The following PLCB1 variants were observed in gnomAD, a reference collection of about 807,000 sequenced individuals.
The protein encoded by PLCB1 is phospholipase C beta 1.
Under a neutral mutation model 161.8 loss-of-function variants are expected in PLCB1, and 46 were observed. The ratio of observed to expected loss-of-function variants is 0.28; its 90% CI spans 0.22 to 0.36. PLCB1 has a LOEUF of 0.36. Among genes scored for constraint, PLCB1 ranks in the 10% least tolerant of loss-of-function variants. The pLI is 1.00. For synonymous variants in PLCB1, 517 were observed against 503.7 expected, an observed-to-expected ratio of 1.03 and a Z score of -0.35; for missense variants, 1,016 against 1,472.5, an observed-to-expected ratio of 0.69 and a Z score of 5.07.
intron 3 of PLCB1, among the ~76,000 whole-genome samples, chr20:8,484,582 G>A (rs570822834): frequency 9.2e-5 from 14 of 151,620 alleles, no homozygotes; most frequent in African/African-American, 2.2e-4. Flanking sequence ...GGCTGTTCTC[G>A]AACTCCTGAC....
At chr20:8,230,064 A>G (rs1159930200) in intron 2 of PLCB1, among the ~76,000 whole-genome samples, 2 of 74,730 alleles carry the variant, frequency 2.7e-5, no homozygotes, top group African/African-American at 3.8e-4. Context: ...AGCAAAAAAA[A>G]AAAAAAAAAA....
At chr20:8,292,960 C>T (rs1344679955) in intron 2 of PLCB1, among the ~76,000 whole-genome samples, 1 of 152,122 alleles carries the variant, frequency 6.6e-6, no homozygotes, top group Admixed American at 6.6e-5. Flanking sequence ...GGTGAATACA[C>T]TATCAGTAGC....
At chr20:8,621,795 C>G (rs969933019) in intron 3 of PLCB1, among the ~76,000 whole-genome samples, 1 of 152,184 alleles carries the variant, frequency 6.6e-6, no homozygotes, top group Non-Finnish European at 1.5e-5. Flanking sequence ...GGATTCAAAT[C>G]TCCCTTTACA....
intron 3 of PLCB1, among the ~76,000 whole-genome samples, chr20:8,463,862 T>C (rs1981697366): frequency 6.6e-6 from 1 of 152,222 alleles, no homozygotes. Flanking sequence ...CAATCAATGC[T>C]TATAGAAATT....
At chr20:8,684,029 A>T (rs7508859) in intron 9 of PLCB1, among the ~76,000 whole-genome samples, 1 of 147,944 alleles carries the variant, frequency 6.8e-6, no homozygotes, top group Non-Finnish European at 1.5e-5. Context: ...GACTGCAGGC[A>T]CCCGCCACCA....
chr20:8,366,790 G>A (rs1273805160), intron 2 of PLCB1, among the ~76,000 whole-genome samples: 1 of 149,482 alleles, frequency 6.7e-6, no homozygotes. Context: ...AATGATTCCG[G>A]TAGGTTCTTT....
At chr20:8,829,476 T>C (rs4374436) in intron 31 of PLCB1, among the ~76,000 whole-genome samples, 76,567 of 152,060 alleles carry the variant, frequency 0.5, 19,813 homozygotes, top group Middle Eastern at 0.6. Context: ...GAGCCCGATC[T>C]TTACACACAT....
intron 4 of PLCB1, among the ~76,000 whole-genome samples, chr20:8,631,757 A>G (rs747526927): frequency 1.3e-5 from 2 of 152,220 alleles, no homozygotes; most frequent in South Asian, 2.1e-4. Flanking sequence ...ATTGGATCCT[A>G]TTCTTAACCA....
At chr20:8,683,469 G>A (rs534110175) in intron 9 of PLCB1, among the ~76,000 whole-genome samples, 1 of 151,932 alleles carries the variant, frequency 6.6e-6, no homozygotes, top group Admixed American at 6.6e-5. Flanking sequence ...GTTGTTTGAA[G>A]CTTTGATTGT....
chr20:8,636,199 T>G (rs1457620870), intron 4 of PLCB1, among the ~76,000 whole-genome samples: 1 of 152,172 alleles, frequency 6.6e-6, no homozygotes, highest in Non-Finnish European at 1.5e-5. Context: ...GATCACTGTT[T>G]GCAAACATGA....
chr20:8,802,109 T>C lies in PLCB1; in HGVS notation c.3423+11848T>C, dbSNP rs747202007. ...AAACTTGCCATGAGGATCCCTCTGT[T>C]TCCCCCAACTTTACTCCCCCCAACC... On this transcript the variant is annotated intron_variant, in intron 31 of 31. Transcript: ENST00000338037. 1.9e-6 allele frequency: 3 copies of C among 1,610,606 alleles called. No individual in the cohort carries two copies. In the East Asian group the frequency reaches 6.7e-5, roughly 36 times the overall value.
rs767819697 is a variant in PLCB1 at position 8,132,710 on chromosome 20, A to G, written c.59A>G (p.Asp20Gly). The G allele has an allele frequency of 6.2e-7, 1 of 1,612,998 alleles. No individual in the cohort carries two copies. Among genetic ancestry groups the G allele is most frequent in the Non-Finnish European group, 8.5e-7 (1 of 1,179,358 alleles). The part of the protein sequence containing the change: ...ALQLKPVCVS[D>G]SLKKGTKFVK... ...CAACTCAAGCCCGTGTGCGTGTCCG[A>G]CAGCCTCAAGAAGGGCACCAAATTC... The change falls in exon 1 of 32, where the codon GAC becomes GGC. Residue 20 changes from aspartate to glycine, a missense_variant. Transcript: ENST00000338037. This position sits in a 1 kb window ranked among gnomAD's most constrained non-coding sequence, Gnocchi z 5.2.
At chr20:8,446,360 C>G (rs914524661) in intron 3 of PLCB1, among the ~76,000 whole-genome samples, 10 of 152,240 alleles carry the variant, frequency 6.6e-5, no homozygotes, top group East Asian at 1.9e-4. Flanking sequence ...ATTCAACAAC[C>G]CTTTGTTTTA....
At chr20:8,541,562 G>GAGAAAGAAAGAAAAGAAAGAA (rs1985318106) in intron 3 of PLCB1, among the ~76,000 whole-genome samples, 1 of 114,348 alleles carries the variant, frequency 8.7e-6, no homozygotes, top group Non-Finnish European at 1.8e-5. Context: ...AAGGAAGAAA[G>GAGAAAGAAAGAAAAGAAAGAA]AGAAAGAAAG....
intron 2 of PLCB1, among the ~76,000 whole-genome samples, chr20:8,208,634 T>C (rs1307532340): frequency 6.6e-6 from 1 of 152,056 alleles, no homozygotes; most frequent in Non-Finnish European, 1.5e-5. Context: ...CTAGATGTCA[T>C]GTGGAGTGCT....
chr20:8,722,133 G>T (rs1309807428), intron 14 of PLCB1, among the ~76,000 whole-genome samples: 1 of 137,758 alleles, frequency 7.3e-6, no homozygotes, highest in Non-Finnish European at 1.5e-5. Context: ...GAAATTTTAA[G>T]TGCTATTTAT....
intron 3 of PLCB1, among the ~76,000 whole-genome samples, chr20:8,376,923 A>G (rs534381937): frequency 1.3e-5 from 2 of 151,184 alleles, no homozygotes; most frequent in South Asian, 4.2e-4. Flanking sequence ...GCGAGACTCC[A>G]TCTCAAAAAA....
intron 3 of PLCB1, among the ~76,000 whole-genome samples, chr20:8,405,594 C>T (rs1978752594): frequency 6.6e-6 from 1 of 152,146 alleles, no homozygotes; most frequent in Non-Finnish European, 1.5e-5. Context: ...CAATCTACCC[C>T]ACTTTCCTTC....
intron 3 of PLCB1, among the ~76,000 whole-genome samples, chr20:8,411,235 T>A (rs1214599796): frequency 6.6e-6 from 1 of 152,170 alleles, no homozygotes; most frequent in African/African-American, 2.4e-5. Flanking sequence ...AGTCTTAGTA[T>A]GAAAAAAGGG....
Sources: gnomAD v4.1 joint callset for allele counts (sites outside exome capture counted in the v4.1 genomes callset) on GRCh38, gnomAD v4.1.1 for gene constraint, Gnocchi (gnomAD v3.1) non-coding constraint, MANE v1.5 for transcripts, NCBI Gene and HGNC (gene_info 2026-07-23, HGNC 2026-07-21) for gene names.